Variants in ERG observed in about 807,000 individuals in gnomAD.
ERG encodes ETS transcription factor ERG.
A neutral mutation model predicts 55.3 loss-of-function variants in ERG; 9 were observed. The observed-to-expected ratio is 0.16, with a 90% CI of 0.10 to 0.28. The LOEUF is 0.28. ERG is among the 10% of genes least tolerant of loss of function. The probability of loss-of-function intolerance (pLI) is 1.00; values close to 1 mark genes in which losing one functional copy is unlikely to be tolerated. For synonymous variants in ERG, 223 were observed against 237.3 expected (o/e 0.94, Z 0.55); for missense variants, 434 against 631.6 (o/e 0.69, Z 3.35).
intron 2 of ERG, among the ~76,000 whole-genome samples, chr21:38,570,357 G>A (rs988848808): frequency 1.3e-5 from 2 of 152,216 alleles, no homozygotes; most frequent in Non-Finnish European, 2.9e-5. Flanking sequence ...ACCCTGTGAT[G>A]TTGCTTGAGG....
chr21:38,438,444 G>T lies in ERG; in HGVS notation c.236+6960C>A, dbSNP rs558479624. 1.3e-5 allele frequency among the ~76,000 whole-genome samples: 2 copies of T among 152,182 alleles called. 1 individual carries two copies. The highest frequency in any genetic ancestry group is 4.1e-4 in the South Asian group (2 of 4,834). On this transcript the variant is annotated intron_variant, in intron 2 of 9. Transcript: ENST00000288319. ...TCATTGAATGAATGAATGACTCCAC[G>T]CATAAACAGTATGTCTAAGGCCCTG... is the stretch of plus-strand genomic sequence containing the variant.
At chr21:38,623,898 A>C (rs1179898074) in intron 1 of ERG, among the ~76,000 whole-genome samples, 1 of 152,210 alleles carries the variant, frequency 6.6e-6, no homozygotes, top group Admixed American at 6.5e-5. Context: ...TGATGAAACA[A>C]AATTGAAGTT....
chr21:38,611,920 G>A (rs2060229565), intron 1 of ERG, among the ~76,000 whole-genome samples: 1 of 143,776 alleles, frequency 7.0e-6, no homozygotes, highest in Non-Finnish European at 1.6e-5. Context: ...ACTTAGTGCT[G>A]GGCAGGAGGA....
chr21:38,473,231 T>C (rs2059156706), intron 1 of ERG, among the ~76,000 whole-genome samples: 1 of 150,032 alleles, frequency 6.7e-6, no homozygotes. Context: ...TCAAATAAAT[T>C]CCCAAATTTG....
At chr21:38,481,143 A>T (rs1222351363) in intron 1 of ERG, among the ~76,000 whole-genome samples, 2 of 152,200 alleles carry the variant, frequency 1.3e-5, no homozygotes, top group African/African-American at 4.8e-5. Flanking sequence ...TTTTTCCAAC[A>T]TTTTAATTCT....
At chr21:38,502,640 A>C (rs2059429369), upstream of ERG, 1 of 152,992 alleles carries the variant, frequency 6.5e-6, no homozygotes, top group African/African-American at 2.4e-5. Flanking sequence ...TGTTCAACAG[A>C]AAAACCCATG....
At chr21:38,622,831 C>T (rs2060300440) in intron 1 of ERG, among the ~76,000 whole-genome samples, 1 of 149,668 alleles carries the variant, frequency 6.7e-6, no homozygotes, top group South Asian at 2.1e-4. Context: ...CACACATACA[C>T]ACCATGTGCT....
At chr21:38,534,274 A>T (rs1447152216) in intron 2 of ERG, among the ~76,000 whole-genome samples, 5 of 151,990 alleles carry the variant, frequency 3.3e-5, no homozygotes, top group Admixed American at 2.6e-4. Flanking sequence ...ACAATTTGTG[A>T]TTTTTTTTAA....
intron 3 of ERG, among the ~76,000 whole-genome samples, chr21:38,407,582 T>G (rs1988826743): frequency 6.8e-6 from 1 of 147,538 alleles, no homozygotes; most frequent in African/African-American, 2.5e-5. Flanking sequence ...ACAAATTATT[T>G]ATACAAAATG....
Position 38,630,100 on chromosome 21 carries a change from G to T in ERG, c.-150+31558C>A, listed in dbSNP as rs985366495. On this transcript the variant is annotated intron_variant, in intron 1 of 10. Transcript: ENST00000398910. ...GAGAATCCAGGTTACCAGGGGCTAT[G>T]GAAAGGGGGAAGGGGGAATTAGTGT... Among the ~76,000 whole-genome samples the T allele has an allele frequency of 2.6e-5, 4 of 152,204 alleles. No homozygotes were observed. In the East Asian group the frequency reaches 7.8e-4, roughly 30 times the overall value.
At chr21:38,459,582 A>G (rs2059021958) in intron 1 of ERG, among the ~76,000 whole-genome samples, 2 of 152,198 alleles carry the variant, frequency 1.3e-5, no homozygotes, top group South Asian at 4.1e-4. Context: ...ATCACCCCCT[A>G]AACTGGTTAT....
At chr21:38,410,319 C>T (rs1318846937) in intron 3 of ERG, among the ~76,000 whole-genome samples, 1 of 152,206 alleles carries the variant, frequency 6.6e-6, no homozygotes, top group Non-Finnish European at 1.5e-5. Context: ...TTTCAGCCTT[C>T]CATTCCAATT....
At position 38,644,981 on chromosome 21, in the gene ERG, AC is replaced by A. The variant is rs1317364880; in HGVS notation, c.-150+16676del. ...AGAGCAGCCTGGGCAACACAGCGAG[AC>A]CCCATCTCTACAAAAATATTTTAAA... On this transcript the variant is annotated intron_variant, in intron 1 of 10. Transcript: ENST00000398910. Among the ~76,000 whole-genome samples, 4 of 152,088 alleles carry A rather than the reference AC, an allele frequency of 2.6e-5. No homozygotes were observed. The East Asian group carries it at 5.8e-4, about 22-fold the overall frequency.
chr21:38,573,762 G>A (rs975702925), intron 2 of ERG, among the ~76,000 whole-genome samples: 8 of 152,130 alleles, frequency 5.3e-5, no homozygotes, highest in Non-Finnish European at 8.8e-5. Flanking sequence ...GCTGAGCGCC[G>A]GTCCCCTGAG....
chr21:38,544,943 C>G (rs8132394), intron 2 of ERG, among the ~76,000 whole-genome samples: 76,640 of 151,794 alleles, frequency 0.5, 20,642 homozygotes, highest in Non-Finnish European at 0.62. Context: ...AATTGCTCAT[C>G]CTCTTACTAA....
chr21:38,633,344 C>T (rs1311989715), intron 1 of ERG, among the ~76,000 whole-genome samples: 1 of 152,114 alleles, frequency 6.6e-6, no homozygotes, highest in African/African-American at 2.4e-5. Context: ...GAACTCTACA[C>T]TTAAATATGA....
intron 2 of ERG, among the ~76,000 whole-genome samples, chr21:38,562,218 T>C (rs549147425): frequency 2.6e-5 from 4 of 152,086 alleles, no homozygotes; most frequent in Admixed American, 1.3e-4. Context: ...TATATATATA[T>C]ACACATGCAT....
intron 1 of ERG, among the ~76,000 whole-genome samples, chr21:38,635,869 C>T (rs1441758923): frequency 4.6e-5 from 7 of 152,122 alleles, no homozygotes; most frequent in African/African-American, 1.7e-4. Flanking sequence ...GGGCTAGGGT[C>T]CCAGCTCTTG....
intron 1 of ERG, among the ~76,000 whole-genome samples, chr21:38,606,038 G>T (rs1037015708): frequency 6.6e-6 from 1 of 151,128 alleles, no homozygotes; most frequent in African/African-American, 2.4e-5. Context: ...ATTGATAGAT[G>T]ATAAATGATA....
Sources: gnomAD v4.1 joint callset for allele counts (sites outside exome capture counted in the v4.1 genomes callset) on GRCh38, gnomAD v4.1.1 for gene constraint, MANE v1.5 for transcripts, NCBI Gene and HGNC (gene_info 2026-07-23, HGNC 2026-07-21) for gene names.